LVRN: variants seen among roughly 807,000 people sequenced by gnomAD.
LVRN encodes laeverin.
A neutral mutation model predicts 111.4 loss-of-function variants in LVRN; 99 were observed. That is an observed-to-expected ratio of 0.89 (90% CI 0.76 to 1.05). LVRN has a LOEUF of 1.05. LVRN is among the 50% of genes least tolerant of loss of function. The pLI, the probability that LVRN is intolerant of heterozygous loss-of-function variation, is 0.00. For missense variants in LVRN, 1,414 were observed against 1,206.8 expected (o/e 1.17, Z -2.54); for synonymous variants, 488 against 449.5 (o/e 1.09, Z -1.08).
intron 1 of LVRN, chr5:115,975,112 C>A: frequency 2.5e-6 from 1 of 398,694 alleles, no homozygotes; most frequent in South Asian, 2.2e-5. Flanking sequence ...CATAGACAAG[C>A]ATGGGCTCTT....
At chr5:115,979,625 T>C (rs1389601144) in intron 1 of LVRN, among the ~76,000 whole-genome samples, 1 of 152,192 alleles carries the variant, frequency 6.6e-6, no homozygotes, top group African/African-American at 2.4e-5. Flanking sequence ...TCTATTATGT[T>C]TTGTTGCCTG....
chr5:116,012,793 A>C (rs2112628583), intron 15 of LVRN, among the ~76,000 whole-genome samples: 2 of 152,336 alleles, frequency 1.3e-5, no homozygotes, highest in Middle Eastern at 3.4e-3. Flanking sequence ...AGCCTATACC[A>C]GTGAGTTGAA....
intron 6 of LVRN, among the ~76,000 whole-genome samples, chr5:115,994,115 T>TA (rs1233026814): frequency 1.6e-4 from 25 of 152,276 alleles, no homozygotes; most frequent in African/African-American, 6.0e-4. Context: ...TATTTCTACA[T>TA]ATTCATATTT....
At chr5:115,981,640 C>G (rs1753561941) in intron 1 of LVRN, among the ~76,000 whole-genome samples, 1 of 152,106 alleles carries the variant, frequency 6.6e-6, no homozygotes, top group Non-Finnish European at 1.5e-5. Context: ...TGACTGTAGT[C>G]ACCCTGTTGT....
At chr5:116,020,583 C>A (rs941590696) in intron 18 of LVRN, among the ~76,000 whole-genome samples, 4 of 152,148 alleles carry the variant, frequency 2.6e-5, no homozygotes, top group African/African-American at 7.2e-5. Flanking sequence ...GTTTTCACTT[C>A]TACTTGGTTG....
intron 3 of LVRN, among the ~76,000 whole-genome samples, chr5:115,987,491 C>A (rs1317448474): frequency 6.6e-6 from 1 of 151,822 alleles, no homozygotes; most frequent in Non-Finnish European, 1.5e-5. Context: ...GCCCAAAGTG[C>A]ACAAAATGCC....
At chr5:115,981,856 G>A (rs1184619524) in intron 1 of LVRN, among the ~76,000 whole-genome samples, 1 of 151,938 alleles carries the variant, frequency 6.6e-6, no homozygotes, top group Non-Finnish European at 1.5e-5. Context: ...AGATCGGAAG[G>A]GATATAGGAG....
chr5:116,003,260 A>C lies in LVRN; in HGVS notation c.1917A>C (p.Gln639His). Residue 639 changes from glutamine to histidine, a missense_variant, in exon 12 of 20, where the codon CAA (glutamine) becomes CAC (histidine). Physicochemically the swap from Gln to His is conservative, Grantham distance 24. Coordinates refer to ENST00000357872, the MANE Select transcript of LVRN (RefSeq NM_173800.5). ...DQSSKVFPEMQVSDSDHDWVI... is the reference protein window; with the variant it reads ...DQSSKVFPEMHVSDSDHDWVI... ...TTATAGAAGTATTCCCAGAAATGCA[A>C]GTTTCAGATTCTGACCATGACTGGG... 1 of 1,580,264 alleles carries C rather than the reference A, an allele frequency of 6.3e-7. No individual in the cohort carries two copies. Among genetic ancestry groups the C allele is most frequent in the East Asian group, 2.3e-5 (1 of 44,018 alleles).
chr5:116,009,135 T>G (rs1473521729), intron 13 of LVRN, among the ~76,000 whole-genome samples: 3 of 152,176 alleles, frequency 2.0e-5, no homozygotes, highest in African/African-American at 7.2e-5. Flanking sequence ...CTAGGGTCCT[T>G]AAACATTATG....
At chr5:115,979,793 C>G (rs1437415077) in intron 1 of LVRN, among the ~76,000 whole-genome samples, 1 of 152,144 alleles carries the variant, frequency 6.6e-6, no homozygotes, top group African/African-American at 2.4e-5. Flanking sequence ...GGGAGGACAA[C>G]TTGCCTAAGA....
intron 18 of LVRN, among the ~76,000 whole-genome samples, chr5:116,019,622 T>G (rs1368214251): frequency 1.3e-5 from 2 of 152,264 alleles, no homozygotes; most frequent in Non-Finnish European, 2.9e-5. Flanking sequence ...TTTCATTTTA[T>G]TTTTGTTTTT....
chr5:116,011,019 A>G, intron 14 of LVRN, 125 bp downstream of exon 14: 9 of 321,630 alleles, frequency 2.8e-5, no homozygotes, highest in Non-Finnish European at 3.6e-5. Flanking sequence ...ATATATATAT[A>G]TATATATGGA....
intron 1 of LVRN, among the ~76,000 whole-genome samples, chr5:115,978,592 C>T (rs1186183144): frequency 1.3e-5 from 2 of 152,120 alleles, no homozygotes; most frequent in African/African-American, 4.8e-5. Flanking sequence ...AAATCCAGTC[C>T]TGTGTAATAT....
At chr5:115,993,698 A>T in intron 5 of LVRN, 43 bp from the exon 6 acceptor site, 1 of 1,293,852 alleles carries the variant, frequency 7.7e-7, no homozygotes, top group Non-Finnish European at 1.1e-6. Flanking sequence ...TAACTTAAAA[A>T]TTAAATTTAA....
chr5:116,001,611 A>G (rs1284904460), intron 10 of LVRN, among the ~76,000 whole-genome samples: 2 of 152,214 alleles, frequency 1.3e-5, no homozygotes, highest in African/African-American at 4.8e-5. Flanking sequence ...CTTACTGCAG[A>G]GTGGTCTTCT....
intron 15 of LVRN, among the ~76,000 whole-genome samples, chr5:116,013,989 A>C (rs1355155121): frequency 1.3e-5 from 2 of 152,204 alleles, no homozygotes; most frequent in Admixed American, 1.3e-4. Flanking sequence ...GAAATGAACT[A>C]TTCCCTTTCC....
At chr5:115,983,037 C>G (rs1036999989) in intron 1 of LVRN, among the ~76,000 whole-genome samples, 1 of 152,036 alleles carries the variant, frequency 6.6e-6, no homozygotes, top group African/African-American at 2.4e-5. Context: ...TAAAGGTTTA[C>G]GATGTAATAA....
At chr5:115,969,419 G>A (rs989397797) in intron 1 of LVRN, among the ~76,000 whole-genome samples, 1 of 151,874 alleles carries the variant, frequency 6.6e-6, no homozygotes, top group African/African-American at 2.4e-5. Flanking sequence ...AGTTCCCATT[G>A]TTTTGTTTTC....
chr5:115,993,590 T>G (rs1163009888), intron 5 of LVRN, 151 bp from the exon 6 acceptor site: 2 of 579,088 alleles, frequency 3.5e-6, no homozygotes, highest in Admixed American at 7.0e-5. Flanking sequence ...CAACTTGCTT[T>G]TTTGGTGTCC....
Sources: gnomAD v4.1 joint callset for allele counts (sites outside exome capture counted in the v4.1 genomes callset) on GRCh38, gnomAD v4.1.1 for gene constraint, MANE v1.5 for transcripts, NCBI Gene and HGNC (gene_info 2026-07-23, HGNC 2026-07-21) for gene names.